Variants in GPATCH8 observed in about 807,000 individuals in gnomAD.
GPATCH8 encodes G-patch domain containing 8.
A neutral mutation model predicts 118.3 loss-of-function variants in GPATCH8; 18 were observed. The ratio of observed to expected loss-of-function variants is 0.15; its 90% CI spans 0.11 to 0.23. The LOEUF (loss-of-function observed/expected upper bound fraction) is 0.23. Among genes scored for constraint, GPATCH8 ranks in the 10% least tolerant of loss-of-function variants. The pLI, the probability that GPATCH8 is intolerant of heterozygous loss-of-function variation, is 1.00. For missense variants in GPATCH8, 1,631 were observed against 1,873.8 expected (o/e 0.87, Z 2.39); for synonymous variants, 659 against 684.7 (o/e 0.96, Z 0.59).
intron 5 of GPATCH8, 135 bp downstream of exon 5, chr17:44,434,930 T>G (rs2050445996): frequency 1.4e-6 from 1 of 697,684 alleles, no homozygotes. Context: ...AATAGAAATC[T>G]GAGATCTACT....
At chr17:44,402,137 T>C (rs1049856932) in intron 7 of GPATCH8, among the ~76,000 whole-genome samples, 1 of 151,188 alleles carries the variant, frequency 6.6e-6, no homozygotes, top group Admixed American at 6.6e-5. Context: ...CTGACCAACA[T>C]GGTGAAACCC....
intron 7 of GPATCH8, among the ~76,000 whole-genome samples, chr17:44,404,569 C>A (rs1011549398): frequency 2.6e-5 from 4 of 152,136 alleles, no homozygotes; most frequent in Admixed American, 1.3e-4. Flanking sequence ...AATCACTCCT[C>A]ACAACAACTG....
In GPATCH8 at chr17:44,483,825, T is replaced by TTTGTTGTTGTTGTTG. The variant is rs55703241; in HGVS notation, c.46-8937_46-8923dup. Reference sequence around the variant, plus strand: ...CTCGGCTAATTTTTGTTTGGTTGTTTTTGTTGTTGTTGTTGTTGTTGTTGT... The same window carrying TTTGTTGTTGTTGTTG: ...CTCGGCTAATTTTTGTTTGGTTGTTTTTGTTGTTGTTGTTGTTGTTGTTGTTGTTGTTGTTGTTGT... On this transcript the variant is annotated intron_variant, in intron 1 of 7. Coordinates refer to ENST00000591680, the MANE Select transcript of GPATCH8 (RefSeq NM_001002909.4). Among the ~76,000 whole-genome samples, 141 of 149,226 alleles carry TTTGTTGTTGTTGTTG rather than the reference T, an allele frequency of 9.4e-4. 1 individual carries two copies. The highest frequency in any genetic ancestry group is 1.1e-3 in the South Asian group (5 of 4,672).
At chr17:44,443,252 T>C (rs1395675402) in intron 3 of GPATCH8, among the ~76,000 whole-genome samples, 1 of 152,158 alleles carries the variant, frequency 6.6e-6, no homozygotes, top group Admixed American at 6.5e-5. Context: ...CAAAATAGGA[T>C]TCAAGTCATG....
chr17:44,427,763 A>T (rs575560389), intron 5 of GPATCH8, among the ~76,000 whole-genome samples: 1 of 152,228 alleles, frequency 6.6e-6, no homozygotes, highest in African/African-American at 2.4e-5. Context: ...ACTTATTAAC[A>T]TTATATGATA....
chr17:44,503,299 C>T (rs780261855), intron 1 of GPATCH8, 27 bp downstream of exon 1: 11 of 1,597,188 alleles, frequency 6.9e-6, no homozygotes, highest in African/African-American at 1.3e-5. Context: ...GCGCCTTCCC[C>T]GCATCCTCGG....
chr17:44,400,342 A>G lies in GPATCH8; in HGVS notation c.1735T>C (p.Ser579Pro). 1 of 1,614,132 alleles carries G rather than the reference A, an allele frequency of 6.2e-7. No individual in the cohort carries two copies. The highest frequency in any genetic ancestry group is 8.5e-7 in the Non-Finnish European group (1 of 1,179,992). Reference sequence around the variant, plus strand: ...TTAGTTCTGGCATCTTTGTTCCTTGAAAGTTTAAAGTCAAAATATAAAGGG... The same window carrying G: ...TTAGTTCTGGCATCTTTGTTCCTTGGAAGTTTAAAGTCAAAATATAAAGGG... ...CNPLYFDFKLSRNKDARTKGT... is the reference protein window; with the variant it reads ...CNPLYFDFKLPRNKDARTKGT... Residue 579 changes from serine to proline, a missense_variant, in exon 8 of 8, where the codon TCA (serine) becomes CCA (proline). Physicochemically the swap from Ser to Pro is moderately conservative, Grantham distance 74 (BLOSUM62 -1). Around this residue, in one of 8 missense-constraint regions of GPATCH8, gnomAD observed 405 missense variants for 462.7 expected, o/e 0.88. Coordinates refer to ENST00000591680, the MANE Select transcript of GPATCH8 (RefSeq NM_001002909.4).
chr17:44,491,218 C>T (rs139188349), intron 1 of GPATCH8, among the ~76,000 whole-genome samples: 1 of 152,292 alleles, frequency 6.6e-6, no homozygotes, highest in African/African-American at 2.4e-5. Context: ...CAGTCAGGCA[C>T]GGTGGCTCAT....
intron 2 of GPATCH8, chr17:44,466,951 A>T: frequency 7.0e-6 from 2 of 286,342 alleles, no homozygotes; most frequent in Non-Finnish European, 7.3e-6. Context: ...TTTCTTTTTT[A>T]AAGAAAACTC....
chr17:44,482,573 CAAAA>C (rs376299230), intron 1 of GPATCH8, among the ~76,000 whole-genome samples: 1 of 97,078 alleles, frequency 1.0e-5, no homozygotes, highest in Admixed American at 1.1e-4. Context: ...GACTCCATCT[CAAAA>C]AAAAAAAAAA....
At chr17:44,450,585 A>AAAGATAAT (rs11283092) in intron 3 of GPATCH8, among the ~76,000 whole-genome samples, 1 of 151,306 alleles carries the variant, frequency 6.6e-6, no homozygotes, top group Non-Finnish European at 1.5e-5. Context: ...CTACATTTGA[A>AAAGATAAT]ATACTACATA....
chr17:44,421,200 G>C (rs948745496), intron 6 of GPATCH8, among the ~76,000 whole-genome samples: 3 of 151,626 alleles, frequency 2.0e-5, no homozygotes, highest in Non-Finnish European at 4.4e-5. Context: ...AATTAGCCGG[G>C]CGTGGTGGCG....
intron 3 of GPATCH8, among the ~76,000 whole-genome samples, chr17:44,455,769 CAG>C (rs1222475837): frequency 6.6e-6 from 1 of 152,072 alleles, no homozygotes; most frequent in African/African-American, 2.4e-5. Context: ...TTTTTCTTGA[CAG>C]AGTTTCGCTC....
intron 6 of GPATCH8, among the ~76,000 whole-genome samples, chr17:44,406,563 G>GT (rs200158783): frequency 0.023 from 3,251 of 142,694 alleles, 64 homozygotes; most frequent in Admixed American, 0.053. Context: ...TAAAAAGGTG[G>GT]TTTTTTTTTC....
chr17:44,466,605 T>G (rs558069464), intron 2 of GPATCH8, among the ~76,000 whole-genome samples: 1 of 152,288 alleles, frequency 6.6e-6, no homozygotes, highest in South Asian at 2.1e-4. Context: ...TGTCTGACTA[T>G]TTATAACTTT....
At chr17:44,491,216 C>A (rs1969217934) in intron 1 of GPATCH8, among the ~76,000 whole-genome samples, 1 of 152,132 alleles carries the variant, frequency 6.6e-6, no homozygotes, top group African/African-American at 2.4e-5. Context: ...TTCAGTCAGG[C>A]ACGGTGGCTC....
intron 5 of GPATCH8, among the ~76,000 whole-genome samples, chr17:44,427,596 A>G (rs1186869066): frequency 6.6e-6 from 1 of 152,158 alleles, no homozygotes; most frequent in African/African-American, 2.4e-5. Flanking sequence ...CTGGGTGGGC[A>G]GGCAGAAGCA....
chr17:44,427,565 A>C (rs1388672084), intron 5 of GPATCH8, among the ~76,000 whole-genome samples: 1 of 152,084 alleles, frequency 6.6e-6, no homozygotes, highest in Non-Finnish European at 1.5e-5. Context: ...AGAAAATAGA[A>C]ATGATACAAA....
intron 2 of GPATCH8, among the ~76,000 whole-genome samples, chr17:44,468,002 GA>G (rs1193855838): frequency 6.6e-6 from 1 of 151,040 alleles, no homozygotes; most frequent in African/African-American, 2.4e-5. Flanking sequence ...ATTATTCCAG[GA>G]TTTTTTTTTT....
Sources: allele counts gnomAD v4.1 joint callset (sites outside exome capture counted in the v4.1 genomes callset), GRCh38; gene constraint gnomAD v4.1.1; regional missense constraint gnomAD v4.1.1; transcripts MANE v1.5; gene names NCBI Gene and HGNC (gene_info 2026-07-23, HGNC 2026-07-21).